Variants in ABCC9 observed in about 807,000 individuals in gnomAD.
ABCC9 encodes ATP-binding cassette sub-family C member 9.
Under a neutral mutation model 188.3 loss-of-function variants are expected in ABCC9, and 95 were observed. The ratio of observed to expected loss-of-function variants is 0.50; its 90% CI spans 0.43 to 0.60. ABCC9 has a LOEUF of 0.60. ABCC9 is among the 20% of genes least tolerant of loss of function. The pLI, the probability that ABCC9 is intolerant of heterozygous loss-of-function variation, is 0.00. For missense variants in ABCC9, 1,102 were observed against 1,876.3 expected (o/e 0.59, Z 7.62); for synonymous variants, 659 against 652.7 (o/e 1.01, Z -0.15).
chr12:21,899,837 C>A (rs561836147), intron 12 of ABCC9, among the ~76,000 whole-genome samples: 1 of 152,186 alleles, frequency 6.6e-6, no homozygotes, highest in African/African-American at 2.4e-5. Flanking sequence ...TGGAACCCAC[C>A]GCAGCTCAAG....
chr12:21,875,445 A>ATAC (rs1946293035), intron 17 of ABCC9, among the ~76,000 whole-genome samples: 1 of 152,152 alleles, frequency 6.6e-6, no homozygotes, highest in African/African-American at 2.4e-5. Flanking sequence ...AATTGTCCAA[A>ATAC]GGTATAGACG....
chr12:21,873,101 A>G (rs547088202), intron 17 of ABCC9, among the ~76,000 whole-genome samples: 1 of 152,060 alleles, frequency 6.6e-6, no homozygotes, highest in South Asian at 2.1e-4. Context: ...TATTTGAAGA[A>G]GAGAGTGTCT....
chr12:21,930,305 C>T (rs1381181356), intron 4 of ABCC9, among the ~76,000 whole-genome samples: 6 of 151,990 alleles, frequency 3.9e-5, no homozygotes, highest in African/African-American at 1.5e-4. Context: ...CCATAGAATT[C>T]TTCTGATATG....
chr12:21,809,747 G>T (rs1942102183), intron 37 of ABCC9, 105 bp downstream of exon 37: 2 of 715,440 alleles, frequency 2.8e-6, no homozygotes, highest in East Asian at 2.7e-5. Flanking sequence ...TTAAATATAA[G>T]GGGATTTAAC....
At chr12:21,838,245 A>G in intron 29 of ABCC9, 75 bp from the exon 30 acceptor site, 1 of 1,141,130 alleles carries the variant, frequency 8.8e-7, no homozygotes, top group Non-Finnish European at 1.3e-6. Context: ...TCTTTAAGAG[A>G]AAGTTATTTT....
intron 18 of ABCC9, among the ~76,000 whole-genome samples, chr12:21,867,645 A>G (rs1945845153): frequency 6.6e-6 from 1 of 152,132 alleles, no homozygotes; most frequent in Admixed American, 6.6e-5. Context: ...AGCTGACTTA[A>G]TATTATTATT....
chr12:21,870,479 A>G (rs1946015449), intron 18 of ABCC9, among the ~76,000 whole-genome samples: 2 of 152,168 alleles, frequency 1.3e-5, no homozygotes, highest in Admixed American at 1.3e-4. Flanking sequence ...GCTGGTCTCG[A>G]ACTGCTGGTT....
chr12:21,862,900 C>A lies in ABCC9; in HGVS notation c.2339+53G>T. 3 of 1,152,074 alleles carry A rather than the reference C, an allele frequency of 2.6e-6. No homozygotes were observed. In the South Asian group the frequency reaches 3.7e-5, roughly 14 times the overall value. The allele number at this position is 1,152,074 out of a possible 1,614,324, so 71.4% of individuals were successfully genotyped here. A position where few individuals can be genotyped will look rare whatever the true frequency, so the allele number is the denominator to read the frequency against. ...AAACCATTGTTCATTCCCAAACACA[C>A]GAGTCAGAAAGAGTTGCCATTTTGG... On this transcript the variant is annotated intron_variant, in intron 20 of 39. Transcript: ENST00000261200.
chr12:21,938,311 T>C (rs1949572768), intron 2 of ABCC9, among the ~76,000 whole-genome samples: 1 of 152,174 alleles, frequency 6.6e-6, no homozygotes, highest in African/African-American at 2.4e-5. Context: ...CCTCATCTTT[T>C]TTTAAAAAGT....
At chr12:21,933,957 C>T in intron 3 of ABCC9, 34 bp from the exon 4 acceptor site, 2 of 1,612,560 alleles carry the variant, frequency 1.2e-6, no homozygotes, top group South Asian at 1.1e-5. Context: ...AACAAAAAGA[C>T]ATAAACCGAA....
intron 24 of ABCC9, among the ~76,000 whole-genome samples, chr12:21,851,889 T>A (rs1944986187): frequency 6.9e-6 from 1 of 143,956 alleles, no homozygotes; most frequent in Admixed American, 7.1e-5. Context: ...TGACTGCACC[T>A]CATCCAAAGA....
intron 35 of ABCC9, among the ~76,000 whole-genome samples, chr12:21,812,712 TA>T (rs1942330761): frequency 6.6e-6 from 1 of 151,856 alleles, no homozygotes; most frequent in Admixed American, 6.6e-5. Context: ...GGTAGGGGGT[TA>T]GGGGAGGGAT....
At position 21,882,498 on chromosome 12, in the gene ABCC9, A is replaced by C. The variant is rs141832323; in HGVS notation, c.2019+268T>G. Among the ~76,000 whole-genome samples the C allele has an allele frequency of 1.1e-4, 17 of 152,304 alleles. No individual in the cohort carries two copies. The South Asian group carries it at 2.9e-3, about 26-fold the overall frequency. On this transcript the variant is annotated intron_variant, in intron 16 of 39. Transcript: ENST00000261200. Reference sequence around the variant, plus strand: ...GATAAACATAGGAATACCAGAAAAAATACATGTGACACTAGCTTCTAAAGC... The same window carrying C: ...GATAAACATAGGAATACCAGAAAAACTACATGTGACACTAGCTTCTAAAGC...
rs182507276 is a variant in ABCC9 at position 21,905,220 on chromosome 12, A to G, written c.1618+906T>C. ...CTCACTCATAGGTGGGAACTGAACA[A>G]TGAAAACACTTGGACCCCTCACATC... On this transcript the variant is annotated intron_variant, in intron 12 of 39. Transcript: ENST00000261200. Among the ~76,000 whole-genome samples the G allele has an allele frequency of 3.3e-5, 5 of 152,190 alleles. No individual in the cohort carries two copies. In the East Asian group the frequency reaches 9.7e-4, roughly 29 times the overall value.
At chr12:21,840,188 A>C (rs1460008474) in intron 29 of ABCC9, among the ~76,000 whole-genome samples, 1 of 152,166 alleles carries the variant, frequency 6.6e-6, no homozygotes. Context: ...TTTTCAGAGC[A>C]TTTCCTGTAG....
chr12:21,915,597 C>T, intron 7 of ABCC9, 71 bp downstream of exon 7: 1 of 1,562,668 alleles, frequency 6.4e-7, no homozygotes, highest in South Asian at 1.1e-5. Context: ...ACTGCAAGCT[C>T]TGCCTCCCAG....
intron 4 of ABCC9, among the ~76,000 whole-genome samples, chr12:21,928,882 C>T (rs1223533453): frequency 6.6e-6 from 1 of 152,116 alleles, no homozygotes; most frequent in African/African-American, 2.4e-5. Flanking sequence ...TTCCCTTAAG[C>T]TATGTTCTTT....
intron 5 of ABCC9, chr12:21,923,959 C>G (rs188135434): frequency 1.8e-6 from 1 of 567,544 alleles, no homozygotes; most frequent in Non-Finnish European, 3.1e-6. Flanking sequence ...TGCTACATTA[C>G]GGATGAGCAT....
chr12:21,811,207 G>C (rs12820875), intron 36 of ABCC9, among the ~76,000 whole-genome samples: 2 of 152,152 alleles, frequency 1.3e-5, no homozygotes, highest in Admixed American at 1.3e-4. Context: ...GGCACCATGA[G>C]AAGATGTGCC....
Sources: gnomAD v4.1 joint callset for allele counts (sites outside exome capture counted in the v4.1 genomes callset) on GRCh38, gnomAD v4.1.1 for gene constraint, MANE v1.5 for transcripts, NCBI Gene and HGNC (gene_info 2026-07-23, HGNC 2026-07-21) for gene names.